Variants in ZNF782 observed in about 807,000 individuals in gnomAD.
The protein encoded by ZNF782 is zinc finger protein 782.
A neutral mutation model predicts 13.0 loss-of-function variants in ZNF782; 12 were observed. That is an observed-to-expected ratio of 0.92 (90% CI 0.59 to 1.50). The LOEUF is 1.50. Among genes scored for constraint, ZNF782 ranks in the 40% most tolerant of loss-of-function variants. The pLI, the probability that ZNF782 is intolerant of heterozygous loss-of-function variation, is 0.00. For synonymous variants in ZNF782, 284 were observed against 283.0 expected (o/e 1.00, Z -0.04); for missense variants, 770 against 822.9 (o/e 0.94, Z 0.79).
chr9:96,835,671 G>C (rs1446183091), intron 4 of ZNF782, among the ~76,000 whole-genome samples: 1 of 152,208 alleles, frequency 6.6e-6, no homozygotes, highest in Non-Finnish European at 1.5e-5. Flanking sequence ...GAGGGCATGA[G>C]CAGTAAGCCT....
the ZNF782 span, chr9:96,910,370 G>A: frequency 3.4e-6 from 2 of 580,752 alleles, no homozygotes; most frequent in African/African-American, 2.0e-5. Context: ...TGATGATGTC[G>A]ATACCAAGAA....
chr9:96,925,074 C>T, the ZNF782 span, among the ~76,000 whole-genome samples: 17 of 152,170 alleles, frequency 1.1e-4, no homozygotes, highest in South Asian at 4.1e-4. Context: ...AGAGCTAAGG[C>T]CGTTGGGTAA....
At chr9:96,888,616 G>A in the ZNF782 span, 1 of 152,222 alleles carries the variant, frequency 6.6e-6, no homozygotes, top group African/African-American at 2.4e-5. Context: ...TGATTGGGCA[G>A]GTTTGATGTG....
chr9:96,911,628 A>C, the ZNF782 span, among the ~76,000 whole-genome samples: 3 of 146,200 alleles, frequency 2.1e-5, no homozygotes, highest in South Asian at 2.2e-4. Context: ...TCAAGCCATT[A>C]TCCTGCCTCA....
chr9:96,845,412 G>A (rs1197711621), intron 3 of ZNF782, among the ~76,000 whole-genome samples: 2 of 152,122 alleles, frequency 1.3e-5, no homozygotes, highest in African/African-American at 4.8e-5. Flanking sequence ...ACAGGTGCAT[G>A]CCACCACACC....
At chr9:96,892,960 A>G in the ZNF782 span, 4 of 152,044 alleles carry the variant, frequency 2.6e-5, no homozygotes, top group Non-Finnish European at 5.9e-5. Flanking sequence ...AATATGATCA[A>G]TAGGGTTTCA....
the ZNF782 span, among the ~76,000 whole-genome samples, chr9:96,886,974 G>A: frequency 1.3e-5 from 2 of 149,344 alleles, no homozygotes; most frequent in Admixed American, 6.7e-5. Context: ...TAATAAATAT[G>A]CAAATAACCC....
chr9:96,833,906 A>T (rs1338554622), intron 4 of ZNF782, among the ~76,000 whole-genome samples: 1 of 152,078 alleles, frequency 6.6e-6, no homozygotes, highest in East Asian at 1.9e-4. Flanking sequence ...TATTACTCAA[A>T]CTGTTGCAAT....
chr9:96,848,217 G>A (rs1588167689), intron 3 of ZNF782, among the ~76,000 whole-genome samples: 2 of 152,214 alleles, frequency 1.3e-5, no homozygotes, highest in East Asian at 3.9e-4. Flanking sequence ...CATATTGAAT[G>A]GGGAAAGTTG....
At chr9:96,913,791 C>A in the ZNF782 span, among the ~76,000 whole-genome samples, 1 of 151,332 alleles carries the variant, frequency 6.6e-6, no homozygotes, top group Non-Finnish European at 1.5e-5. Flanking sequence ...TCCCAAAGTG[C>A]GGGGATTACA....
At chr9:96,933,229 C>T in the ZNF782 span, among the ~76,000 whole-genome samples, 10 of 151,712 alleles carry the variant, frequency 6.6e-5, no homozygotes, top group South Asian at 8.4e-4. Flanking sequence ...TCTCCCGCCT[C>T]GGCCTCCCAA....
chr9:96,874,310 G>A (rs1230273537), intron 1 of ZNF782, among the ~76,000 whole-genome samples: 2 of 152,210 alleles, frequency 1.3e-5, no homozygotes, highest in South Asian at 2.1e-4. Context: ...AACACCTTTC[G>A]TGAACCATCA....
At chr9:96,890,822 T>C in the ZNF782 span, 5 of 152,210 alleles carry the variant, frequency 3.3e-5, no homozygotes, top group Non-Finnish European at 7.3e-5. Flanking sequence ...CACTCAGATA[T>C]TTGTATACCA....
intron 4 of ZNF782, among the ~76,000 whole-genome samples, chr9:96,839,912 G>C (rs190632639): frequency 5.9e-5 from 9 of 152,198 alleles, no homozygotes; most frequent in Admixed American, 5.9e-4. Context: ...TAGCCAATTA[G>C]TCAATGATGT....
chr9:96,877,526 GC>G (rs1851908702), upstream of ZNF782, among the ~76,000 whole-genome samples: 1 of 152,256 alleles, frequency 6.6e-6, no homozygotes, highest in African/African-American at 2.4e-5. Flanking sequence ...CTTCCTCCGC[GC>G]GTCTCCCGCC....
At chr9:96,905,354 C>T in the ZNF782 span, among the ~76,000 whole-genome samples, 5 of 150,952 alleles carry the variant, frequency 3.3e-5, no homozygotes, top group East Asian at 2.0e-4. Flanking sequence ...CCCACCAGCA[C>T]CATGACCATT....
intron 4 of ZNF782, among the ~76,000 whole-genome samples, chr9:96,832,250 T>C (rs1032242216): frequency 3.8e-4 from 58 of 152,356 alleles, no homozygotes; most frequent in African/African-American, 1.3e-3. Flanking sequence ...AGTGTAAAGA[T>C]GAAGGGACTC....
intron 3 of ZNF782, 71 bp downstream of exon 3, chr9:96,851,876 T>C: frequency 1.4e-6 from 2 of 1,402,612 alleles, no homozygotes; most frequent in Non-Finnish European, 2.0e-6. Flanking sequence ...CTTTTCCATT[T>C]AATGCAAGGG....
At chr9:96,890,827 A>G in the ZNF782 span, 2 of 152,246 alleles carry the variant, frequency 1.3e-5, 1 homozygote. Flanking sequence ...AGATATTTGT[A>G]TACCAGTGTT....
Sources: allele counts gnomAD v4.1 joint callset (sites outside exome capture counted in the v4.1 genomes callset), GRCh38; gene constraint gnomAD v4.1.1; transcripts MANE v1.5; gene names NCBI Gene and HGNC (gene_info 2026-07-23, HGNC 2026-07-21).